IL1R2: variants seen among roughly 807,000 people sequenced by gnomAD.
IL1R2 encodes the protein interleukin-1 receptor type 2.
In IL1R2, 46 loss-of-function variants were observed where a neutral mutation model predicts 39.5. The ratio of observed to expected loss-of-function variants is 1.16; its 90% confidence interval spans 0.92 to 1.49. The LOEUF (loss-of-function observed/expected upper bound fraction) is 1.49, where lower values mean the gene tolerates loss of function less well. Ranked by LOEUF, IL1R2 falls within the 40% of genes most tolerant of loss-of-function variation. The probability of loss-of-function intolerance (pLI) is 0.00; values close to 1 mark genes in which losing one functional copy is unlikely to be tolerated. For missense variants in IL1R2, 537 were observed against 502.0 expected, an observed-to-expected ratio of 1.07 and a Z score of -0.67; for synonymous variants, 207 against 189.6, an observed-to-expected ratio of 1.09 and a Z score of -0.75.
chr2:101,993,745 G>A (rs1217676090), intron 1 of IL1R2, among the ~76,000 whole-genome samples: 1 of 152,044 alleles, frequency 6.6e-6, no homozygotes, highest in Non-Finnish European at 1.5e-5. Context: ...CCTTTTGGGG[G>A]CCTTTGCTCT....
intron 7 of IL1R2, among the ~76,000 whole-genome samples, chr2:102,025,056 T>C (rs2150463046): frequency 6.6e-6 from 1 of 152,326 alleles, no homozygotes; most frequent in South Asian, 2.1e-4. Context: ...ACAGTATCTA[T>C]AGTACCTCTT....
At chr2:102,019,063 T>A (rs1677190986) in intron 4 of IL1R2, among the ~76,000 whole-genome samples, 1 of 152,210 alleles carries the variant, frequency 6.6e-6, no homozygotes, top group South Asian at 2.1e-4. Flanking sequence ...CCGCTCTTTC[T>A]ATTTCCTGGA....
At chr2:102,002,847 T>C (rs111207473) in intron 1 of IL1R2, among the ~76,000 whole-genome samples, 7,291 of 152,104 alleles carry the variant, frequency 0.048, 556 homozygotes, top group African/African-American at 0.16. Context: ...TCTGTGTCTA[T>C]GTCTGTGTCT....
intron 7 of IL1R2, among the ~76,000 whole-genome samples, chr2:102,025,364 A>C (rs1677665747): frequency 6.6e-6 from 1 of 152,236 alleles, no homozygotes; most frequent in African/African-American, 2.4e-5. Flanking sequence ...TTCTGGATGT[A>C]ATTTAGTGGA....
At position 102,021,408 on chromosome 2, in the gene IL1R2, C is replaced by G. The variant is rs576005010; in HGVS notation, c.689-779C>G. Among the ~76,000 whole-genome samples the G allele has an allele frequency of 5.7e-4, 86 of 151,820 alleles. No homozygotes were observed. The Middle Eastern group carries it at 0.01, about 18-fold the overall frequency. On this transcript the variant is annotated intron_variant, in intron 5 of 8. Transcript: ENST00000332549. ...TCGGCTCACTGCGACCTCTACCTCCCGGGTTCAAGCGATTATCCTGTCTCA... is the reference window on the plus strand; with the variant it reads ...TCGGCTCACTGCGACCTCTACCTCCGGGGTTCAAGCGATTATCCTGTCTCA...
chr2:102,005,372 C>G (rs974503451), intron 1 of IL1R2, among the ~76,000 whole-genome samples: 3 of 152,184 alleles, frequency 2.0e-5, no homozygotes, highest in African/African-American at 4.8e-5. Context: ...AACACAATGC[C>G]TGACAGTACC....
At chr2:102,017,119 T>TG in intron 4 of IL1R2, among the ~76,000 whole-genome samples, 1 of 152,238 alleles carries the variant, frequency 6.6e-6, no homozygotes, top group South Asian at 2.1e-4. Flanking sequence ...ACATGACAGC[T>TG]GGGCGTGGTG....
chr2:101,998,420 C>T (rs1675691757), intron 1 of IL1R2, among the ~76,000 whole-genome samples: 1 of 152,188 alleles, frequency 6.6e-6, no homozygotes, highest in Non-Finnish European at 1.5e-5. Flanking sequence ...TCCAATTTGC[C>T]ATCTGGAATC....
intron 6 of IL1R2, among the ~76,000 whole-genome samples, chr2:102,024,165 C>T (rs1677581850): frequency 1.3e-5 from 2 of 152,162 alleles, no homozygotes; most frequent in Admixed American, 6.5e-5. Context: ...CAAGACCAGC[C>T]TCAGGCAAAG....
chr2:101,993,469 C>A (rs1249725144), intron 1 of IL1R2, among the ~76,000 whole-genome samples: 1 of 152,168 alleles, frequency 6.6e-6, no homozygotes, highest in Non-Finnish European at 1.5e-5. Flanking sequence ...AGATCAGACA[C>A]CTGAGTTCTG....
In IL1R2 at chr2:102,019,771, A is replaced by G; in HGVS notation, c.647A>G (p.Gln216Arg). 6.2e-7 allele frequency: 1 copy of G among 1,614,238 alleles called. No homozygotes were observed. Among genetic ancestry groups the G allele is most frequent in the Non-Finnish European group, 8.5e-7 (1 of 1,180,028 alleles). The part of the protein sequence containing the change: ...RCVLTFAHEG[Q>R]QYNITRSIEL... ...GTCCTGACATTTGCCCATGAAGGCC[A>G]GCAATACAACATCACTAGGAGTATT... The change falls in exon 5 of 9, where the codon CAG becomes CGG. Residue 216 changes from glutamine (Q) to arginine (R), a missense_variant. Physicochemically the swap from Gln to Arg is conservative, Grantham distance 43. Coordinates refer to ENST00000332549, the MANE Select transcript of IL1R2 (RefSeq NM_004633.4).
chr2:102,026,834 A>G (rs771271614), intron 8 of IL1R2, among the ~76,000 whole-genome samples: 1 of 152,206 alleles, frequency 6.6e-6, no homozygotes, highest in African/African-American at 2.4e-5. Flanking sequence ...AGCAGGAGGG[A>G]GAGCTGCCTT....
chr2:101,996,933 A>G (rs571627352), intron 1 of IL1R2, among the ~76,000 whole-genome samples: 3 of 152,182 alleles, frequency 2.0e-5, no homozygotes, highest in African/African-American at 7.2e-5. Flanking sequence ...CTGCTGCTAC[A>G]TGTATTGCTG....
Position 102,002,716 on chromosome 2 carries a change from G to GCC in IL1R2, c.-61-5799_-61-5798insCC, listed in dbSNP as rs1387948521. 9.1e-3 allele frequency among the ~76,000 whole-genome samples: 566 copies of GCC among 62,482 alleles called. 4 individuals carry two copies. The highest frequency in any genetic ancestry group is 0.022 in the African/African-American group (532 of 24,206). 41.0% of individuals were successfully genotyped at this position (62,482 alleles called of 152,430 possible). A position where few individuals can be genotyped will look rare whatever the true frequency, so the allele number is the denominator to read the frequency against. Reference sequence around the variant, plus strand: ...AGTCTATGTCTAGGTCTATGTCTATGTCTATGCCTATGCCTATGTCTATGT... The same window carrying GCC: ...AGTCTATGTCTAGGTCTATGTCTATGCCTCTATGCCTATGCCTATGTCTATGT... On this transcript the variant is annotated intron_variant, in intron 1 of 8. Transcript: ENST00000332549.
chr2:102,025,401 C>T (rs935348465), intron 7 of IL1R2, among the ~76,000 whole-genome samples: 2 of 152,204 alleles, frequency 1.3e-5, no homozygotes, highest in Non-Finnish European at 2.9e-5. Flanking sequence ...GTAGCACAAT[C>T]ATGTGCTTGC....
At chr2:102,017,683 G>C (rs1434796606) in intron 4 of IL1R2, among the ~76,000 whole-genome samples, 2 of 152,180 alleles carry the variant, frequency 1.3e-5, no homozygotes, top group African/African-American at 4.8e-5. Flanking sequence ...GATATTTTAT[G>C]ATGTGAAAAT....
At chr2:102,010,547 G>T (rs1676561706) in intron 3 of IL1R2, among the ~76,000 whole-genome samples, 1 of 149,892 alleles carries the variant, frequency 6.7e-6, no homozygotes, top group Non-Finnish European at 1.5e-5. Flanking sequence ...CTGCGCTCCA[G>T]GCTGGGCGAC....
chr2:102,002,625 T>C (rs542855886), intron 1 of IL1R2, among the ~76,000 whole-genome samples: 1 of 152,054 alleles, frequency 6.6e-6, no homozygotes, highest in South Asian at 2.1e-4. Flanking sequence ...TAAATGTCTA[T>C]GTCTGTGTCT....
At chr2:102,002,824 G>A (rs557255370) in intron 1 of IL1R2, among the ~76,000 whole-genome samples, 2 of 57,604 alleles carry the variant, frequency 3.5e-5, no homozygotes, top group African/African-American at 6.4e-5. Flanking sequence ...CTGTGTCTTT[G>A]TCCCTGTCTG....
Sources: gnomAD v4.1 joint callset for allele counts (sites outside exome capture counted in the v4.1 genomes callset) on GRCh38, gnomAD v4.1.1 for gene constraint, MANE v1.5 for transcripts, NCBI Gene and HGNC (gene_info 2026-07-23, HGNC 2026-07-21) for gene names.